The following SLC9D1 variants were observed in gnomAD, a reference collection of about 807,000 sequenced individuals.
SLC9D1 encodes solute carrier family 9 member D1, also known as putative LAG1-interacting protein.
At chr13:113,549,308 C>G in the SLC9D1 span, 3 of 1,184,500 alleles carry the variant, frequency 2.5e-6, no homozygotes, top group Non-Finnish European at 3.6e-6. Context: ...TGCTCAGCCT[C>G]AGGACTCTAG....
chr13:113,495,681 A>C, the SLC9D1 span: 2 of 1,611,844 alleles, frequency 1.2e-6, no homozygotes, highest in African/African-American at 2.7e-5. Context: ...GCGTGTGATC[A>C]AACTGCACCG....
chr13:113,546,241 C>A, the SLC9D1 span, among the ~76,000 whole-genome samples: 1 of 152,044 alleles, frequency 6.6e-6, no homozygotes, highest in Non-Finnish European at 1.5e-5. This position sits in a 1 kb window ranked among gnomAD's most constrained non-coding sequence, Gnocchi z 7.1. Flanking sequence ...GCACAGACAT[C>A]CTGAGGGGAA....
chr13:113,516,562 T>C, the SLC9D1 span, among the ~76,000 whole-genome samples: 2 of 109,376 alleles, frequency 1.8e-5, no homozygotes, highest in Non-Finnish European at 1.7e-5. Flanking sequence ...TGAGACTCCA[T>C]CTCAAAAAAA....
At chr13:113,548,340 CGAG>C in the SLC9D1 span, 7 of 1,614,020 alleles carry the variant, frequency 4.3e-6, no homozygotes, top group Non-Finnish European at 5.9e-6. Context: ...CTCATTCTGC[CGAG>C]GAGCAGCCAG....
the SLC9D1 span, chr13:113,530,477 T>A: frequency 6.6e-6 from 1 of 152,212 alleles, no homozygotes; most frequent in Non-Finnish European, 1.5e-5. Context: ...TGTTAATGAT[T>A]TTCTACTAGT....
the SLC9D1 span, chr13:113,548,483 C>T: frequency 4.4e-6 from 7 of 1,584,776 alleles, no homozygotes; most frequent in East Asian, 2.3e-5. Context: ...GAGCGCTTCT[C>T]GGGCGGCACG....
the SLC9D1 span, among the ~76,000 whole-genome samples, chr13:113,531,885 A>C: frequency 1.3e-5 from 2 of 152,144 alleles, no homozygotes; most frequent in Non-Finnish European, 2.9e-5. Flanking sequence ...TGGGAATTAG[A>C]CCTAAATCCA....
At chr13:113,545,347 G>GC in the SLC9D1 span, among the ~76,000 whole-genome samples, 1 of 152,086 alleles carries the variant, frequency 6.6e-6, no homozygotes, top group Non-Finnish European at 1.5e-5. Context: ...AGCCGGTGGG[G>GC]CCCAGGAACC....
chr13:113,501,828 G>T, the SLC9D1 span: 7 of 1,611,144 alleles, frequency 4.3e-6, no homozygotes, highest in Middle Eastern at 9.9e-4. Flanking sequence ...ACAATGTTTG[G>T]TTATATTATT....
At chr13:113,539,535 G>C in the SLC9D1 span, 1 of 1,607,280 alleles carries the variant, frequency 6.2e-7, no homozygotes, top group African/African-American at 1.3e-5. The surrounding 1 kb of genome is among the most constrained non-coding windows in gnomAD (Gnocchi z 4.8). Context: ...CATTATGATT[G>C]TGTTGGTTAA....
At chr13:113,503,499 A>G in the SLC9D1 span, 28 of 1,610,190 alleles carry the variant, frequency 1.7e-5, 1 homozygote, top group Middle Eastern at 1.7e-4. Context: ...TTTTCAGTCT[A>G]TTGTGCAAGT....
At chr13:113,539,646 G>A in the SLC9D1 span, 2 of 921,060 alleles carry the variant, frequency 2.2e-6, no homozygotes, top group Admixed American at 2.7e-5. This position sits in a 1 kb window ranked among gnomAD's most constrained non-coding sequence, Gnocchi z 4.8. Context: ...ATTTCAATTT[G>A]GATTGCTAGT....
At chr13:113,491,738 C>G in the SLC9D1 span, among the ~76,000 whole-genome samples, 2 of 152,200 alleles carry the variant, frequency 1.3e-5, no homozygotes, top group African/African-American at 4.8e-5. Flanking sequence ...CCTCCAGGGC[C>G]GGCCGCAGAG....
the SLC9D1 span, chr13:113,498,360 G>T: frequency 6.4e-7 from 1 of 1,554,088 alleles, no homozygotes; most frequent in Non-Finnish European, 8.6e-7. Context: ...AGAATATATG[G>T]AACTTCTGGC....
the SLC9D1 span, among the ~76,000 whole-genome samples, chr13:113,524,802 A>T: frequency 6.6e-6 from 1 of 152,028 alleles, no homozygotes; most frequent in Non-Finnish European, 1.5e-5. Context: ...TGTGGAGAAC[A>T]TATTGTTGGA....
the SLC9D1 span, chr13:113,549,506 G>A: frequency 3.1e-6 from 5 of 1,613,980 alleles, no homozygotes; most frequent in South Asian, 3.3e-5. Context: ...CACGAGGTGT[G>A]TGCCCAGACC....
At chr13:113,491,271 C>G in the SLC9D1 span, 1 of 152,382 alleles carries the variant, frequency 6.6e-6, no homozygotes, top group Non-Finnish European at 1.5e-5. Flanking sequence ...TCCCTGCGTC[C>G]CGGTGAGCAC....
the SLC9D1 span, among the ~76,000 whole-genome samples, chr13:113,493,404 A>G: frequency 6.6e-6 from 1 of 152,228 alleles, no homozygotes; most frequent in Non-Finnish European, 1.5e-5. Flanking sequence ...CTAAAAGTTC[A>G]CTTGTGAAGT....
chr13:113,517,434 T>A, the SLC9D1 span, among the ~76,000 whole-genome samples: 1 of 152,150 alleles, frequency 6.6e-6, no homozygotes, highest in African/African-American at 2.4e-5. Flanking sequence ...TTCACCGTGT[T>A]AGCCAGGATG....
Sources: gnomAD v4.1 joint callset for allele counts (sites outside exome capture counted in the v4.1 genomes callset) on GRCh38, gnomAD v4.1.1 for gene constraint, Gnocchi (gnomAD v3.1) non-coding constraint, MANE v1.5 for transcripts, NCBI Gene and HGNC (gene_info 2026-07-23, HGNC 2026-07-21) for gene names.